The following DAB2IP variants were observed in gnomAD, a reference collection of about 807,000 sequenced individuals.
DAB2IP encodes the protein disabled homolog 2-interacting protein.
DAB2IP carries 28 observed loss-of-function variants against 107.2 expected under a neutral mutation model. The observed-to-expected ratio is 0.26, with a 90% CI of 0.19 to 0.36. The LOEUF (loss-of-function observed/expected upper bound fraction) is 0.36, where lower values mean the gene tolerates loss of function less well. DAB2IP is among the 10% of genes least tolerant of loss of function. The probability of loss-of-function intolerance (pLI) is 1.00; values close to 1 mark genes in which losing one functional copy is unlikely to be tolerated. For synonymous variants in DAB2IP, 755 were observed against 706.4 expected (o/e 1.07, Z -1.09); for missense variants, 1,400 against 1,644.7 (o/e 0.85, Z 2.57).
At chr9:121,726,827 G>C (rs1019315083) in intron 3 of DAB2IP, among the ~76,000 whole-genome samples, 1 of 152,048 alleles carries the variant, frequency 6.6e-6, no homozygotes, top group African/African-American at 2.4e-5. Context: ...GGCGACTGAG[G>C]GCTCAGCCCT....
chr9:121,721,712 A>G (rs1288263748), intron 3 of DAB2IP, among the ~76,000 whole-genome samples: 1 of 152,268 alleles, frequency 6.6e-6, no homozygotes, highest in Non-Finnish European at 1.5e-5. Flanking sequence ...TGTGGGCTAA[A>G]CAAAACATGA....
intron 2 of DAB2IP, among the ~76,000 whole-genome samples, chr9:121,695,619 G>GATTAAC (rs1564161898): frequency 6.6e-6 from 1 of 152,204 alleles, no homozygotes; most frequent in African/African-American, 2.4e-5. Context: ...AGCGCCATCT[G>GATTAAC]CAGGAGAAGT....
intron 1 of DAB2IP, among the ~76,000 whole-genome samples, chr9:121,629,650 G>T (rs1373928038): frequency 6.6e-6 from 1 of 152,176 alleles, no homozygotes; most frequent in African/African-American, 2.4e-5. Context: ...GGGCACTCTG[G>T]CTCCAGGGAG....
intron 1 of DAB2IP, among the ~76,000 whole-genome samples, chr9:121,603,257 G>A (rs1024987515): frequency 6.6e-6 from 1 of 152,206 alleles, no homozygotes; most frequent in African/African-American, 2.4e-5. Flanking sequence ...TTGGGGAAAT[G>A]TCTGGCCCGA....
At chr9:121,591,095 G>A (rs1210086380) in intron 1 of DAB2IP, among the ~76,000 whole-genome samples, 1 of 152,194 alleles carries the variant, frequency 6.6e-6, no homozygotes, top group East Asian at 1.9e-4. Flanking sequence ...GCTGTGTCGT[G>A]GGAAGAAGCG....
At chr9:121,653,623 C>A (rs1044201586) in intron 1 of DAB2IP, among the ~76,000 whole-genome samples, 1 of 152,186 alleles carries the variant, frequency 6.6e-6, no homozygotes, top group Non-Finnish European at 1.5e-5. Context: ...ACCCACCTCA[C>A]GTCACCTCAC....
rs919731908 is a variant in DAB2IP, at chr9:121,736,173, A to C, written c.363-20840A>C. On this transcript the variant is annotated intron_variant, in intron 3 of 15. Transcript: ENST00000408936. The surrounding 1 kb of genome is among the most constrained non-coding windows in gnomAD (Gnocchi z 4.6). ...TGGACCTCAGTTGTGTTCACTTGTT[A>C]AAATGTTGGAATGGAAATGTGGGGA... is the stretch of plus-strand genomic sequence containing the variant. Among the ~76,000 whole-genome samples, 1 of 152,154 alleles carries C rather than the reference A, an allele frequency of 6.6e-6. No individual in the cohort carries two copies. Among genetic ancestry groups the C allele is most frequent in the East Asian group, 1.9e-4 (1 of 5,156 alleles).
At chr9:121,738,158 G>C (rs1359083353) in intron 3 of DAB2IP, among the ~76,000 whole-genome samples, 1 of 152,200 alleles carries the variant, frequency 6.6e-6, no homozygotes, top group Non-Finnish European at 1.5e-5. Flanking sequence ...CCTAGGCTCA[G>C]GGAACCAGCA....
At position 121,635,196 on chromosome 9, in the gene DAB2IP, G is replaced by A. The variant is rs1034220760; in HGVS notation, c.41-43482G>A. ...GGTGGAGAAAGAGAGCCGTGTGTGG[G>A]GTCAAGGAGACCCTGGGGCTGTTCA... On this transcript the variant is annotated intron_variant, in intron 1 of 16. Coordinates refer to the DAB2IP transcript ENST00000259371. The surrounding 1 kb of genome is among the most constrained non-coding windows in gnomAD (Gnocchi z 4.3). Among the ~76,000 whole-genome samples, 3 of 152,108 alleles carry A rather than the reference G, an allele frequency of 2.0e-5. No individual in the cohort carries two copies. Among genetic ancestry groups the A allele is most frequent in the African/African-American group, 7.2e-5 (3 of 41,414 alleles).
chr9:121,702,172 G>A lies in DAB2IP; in HGVS notation c.362+2714G>A, dbSNP rs1272439398. Among the ~76,000 whole-genome samples the A allele has an allele frequency of 2.6e-5, 4 of 152,228 alleles. No individual in the cohort carries two copies. Among genetic ancestry groups the A allele is most frequent in the Admixed American group, 6.5e-5 (1 of 15,286 alleles). ...AGAGGCTTTGTTGAATGCTGTCTGC[G>A]TGCTCCGCAAGCTGCTGTGTTGGGG... On this transcript the variant is annotated intron_variant, in intron 3 of 15. Transcript: ENST00000408936. This position sits in a 1 kb window ranked among gnomAD's most constrained non-coding sequence, Gnocchi z 4.5.
chr9:121,690,305 ACTGG>A (rs10582840), intron 2 of DAB2IP, among the ~76,000 whole-genome samples: 12,759 of 152,068 alleles, frequency 0.084, 1,279 homozygotes, highest in African/African-American at 0.24. Context: ...CCCCGGGAGG[ACTGG>A]CTGGGACCTC....
At chr9:121,738,834 G>A (rs946259902) in intron 3 of DAB2IP, among the ~76,000 whole-genome samples, 8 of 152,218 alleles carry the variant, frequency 5.3e-5, no homozygotes, top group African/African-American at 1.9e-4. Context: ...CTCTTATACT[G>A]TGTCAGACCC....
intron 1 of DAB2IP, among the ~76,000 whole-genome samples, chr9:121,676,860 A>T (rs1833937361): frequency 6.6e-6 from 1 of 152,204 alleles, no homozygotes; most frequent in Non-Finnish European, 1.5e-5. Context: ...GCAATGGCAA[A>T]GAGGCAGCTG....
At chr9:121,575,208 A>T (rs1830028207) in intron 1 of DAB2IP, 1 of 152,336 alleles carries the variant, frequency 6.6e-6, no homozygotes, top group South Asian at 2.1e-4. Flanking sequence ...ACTGTACTTA[A>T]CACCCCCAGG....
intron 3 of DAB2IP, among the ~76,000 whole-genome samples, chr9:121,700,259 G>A (rs992813222): frequency 1.6e-4 from 25 of 151,886 alleles, no homozygotes; most frequent in African/African-American, 6.0e-4. Context: ...TCAACCTGCC[G>A]GGAGACGCTG....
rs551092312 is a variant in DAB2IP at position 121,685,093 on chromosome 9, A to G, written c.228+6312A>G. 4.6e-5 allele frequency among the ~76,000 whole-genome samples: 7 copies of G among 152,250 alleles called. No individual in the cohort carries two copies. The South Asian group carries it at 1.2e-3, about 27-fold the overall frequency. On this transcript the variant is annotated intron_variant, in intron 2 of 15. Coordinates refer to ENST00000408936, the Ensembl canonical transcript of DAB2IP. ...TCTCCTGACCCAGCATCCGGCGTGT[A>G]TTCAGCGGATGGGCGGGGTGGTGGA... is the stretch of plus-strand genomic sequence containing the variant.
intron 1 of DAB2IP, among the ~76,000 whole-genome samples, chr9:121,621,035 G>C (rs376213257): frequency 3.3e-5 from 5 of 152,140 alleles, no homozygotes; most frequent in Non-Finnish European, 7.4e-5. Context: ...GGGGAAGACC[G>C]CACTGGCCAG....
intron 5 of DAB2IP, 65 bp downstream of exon 5, chr9:121,759,061 A>G: frequency 1.3e-6 from 2 of 1,494,840 alleles, no homozygotes; most frequent in South Asian, 2.4e-5. Context: ...GGAGGAAACA[A>G]GAGAGACTAT....
At chr9:121,605,176 T>G (rs1830828200) in intron 1 of DAB2IP, among the ~76,000 whole-genome samples, 1 of 151,906 alleles carries the variant, frequency 6.6e-6, no homozygotes, top group African/African-American at 2.4e-5. Context: ...CTCGCCACCA[T>G]GCCCAGCTAA....
Sources: gnomAD v4.1 joint callset for allele counts (sites outside exome capture counted in the v4.1 genomes callset) on GRCh38, gnomAD v4.1.1 for gene constraint, Gnocchi (gnomAD v3.1) non-coding constraint, MANE v1.5 for transcripts, NCBI Gene and HGNC (gene_info 2026-07-23, HGNC 2026-07-21) for gene names.